The following CEP63 variants were observed in gnomAD, a reference collection of about 807,000 sequenced individuals.
CEP63 encodes the protein centrosomal protein 63.
CEP63 carries 84 observed loss-of-function variants against 89.1 expected under a neutral mutation model. That is an observed-to-expected ratio of 0.94 (90% CI 0.79 to 1.13). CEP63 has a LOEUF of 1.13. Ranked by LOEUF, CEP63 falls within the 50% of genes most tolerant of loss-of-function variation. The pLI is 0.00. For synonymous variants in CEP63, 267 were observed against 272.5 expected (o/e 0.98, Z 0.20); for missense variants, 838 against 813.3 (o/e 1.03, Z -0.37).
chr3:134,709,068 G>T, the CEP63 span, among the ~76,000 whole-genome samples: 1 of 150,674 alleles, frequency 6.6e-6, no homozygotes, highest in African/African-American at 2.4e-5. Context: ...GGGTACAGAT[G>T]AAAGGTACAG....
chr3:134,508,239 A>G (rs963997977), intron 3 of CEP63, among the ~76,000 whole-genome samples: 8 of 152,204 alleles, frequency 5.3e-5, no homozygotes, highest in African/African-American at 4.8e-5. Context: ...GCCATTTGCA[A>G]CTTGGGTCAA....
chr3:134,550,411 G>A, intron 11 of CEP63, 151 bp downstream of exon 11: 1 of 770,796 alleles, frequency 1.3e-6, no homozygotes, highest in Non-Finnish European at 2.2e-6. Flanking sequence ...AGAGTTTAGT[G>A]AGCATGGTGG....
At chr3:134,524,306 A>G (rs923723000) in intron 3 of CEP63, among the ~76,000 whole-genome samples, 7 of 152,202 alleles carry the variant, frequency 4.6e-5, no homozygotes, top group African/African-American at 1.7e-4. Flanking sequence ...GGGGTTTTCT[A>G]GATAGAGGAT....
the CEP63 span, among the ~76,000 whole-genome samples, chr3:134,677,618 C>T: frequency 6.6e-6 from 1 of 152,248 alleles, no homozygotes; most frequent in East Asian, 1.9e-4. Context: ...CTGACTCTGG[C>T]TAGGGCTAGG....
At chr3:134,540,255 A>G (rs2109348370) in intron 6 of CEP63, among the ~76,000 whole-genome samples, 1 of 152,310 alleles carries the variant, frequency 6.6e-6, no homozygotes, top group East Asian at 1.9e-4. Flanking sequence ...ACATGTCAAC[A>G]GATTTGTAGT....
chr3:134,595,729 T>C, the CEP63 span, among the ~76,000 whole-genome samples: 1 of 152,198 alleles, frequency 6.6e-6, no homozygotes, highest in South Asian at 2.1e-4. Context: ...TGGCTTGGCT[T>C]TGCCACTGGA....
the CEP63 span, among the ~76,000 whole-genome samples, chr3:134,623,880 T>C: frequency 2.0e-5 from 3 of 152,220 alleles, 1 homozygote; most frequent in African/African-American, 7.2e-5. Context: ...CCCAGCCCCT[T>C]TGATGGCTCC....
At chr3:134,660,846 T>C in the CEP63 span, among the ~76,000 whole-genome samples, 1 of 152,182 alleles carries the variant, frequency 6.6e-6, no homozygotes, top group Non-Finnish European at 1.5e-5. Context: ...TTTCCTTCTG[T>C]ATGGCCTCTT....
chr3:134,521,243 G>A (rs1336737303), intron 3 of CEP63, among the ~76,000 whole-genome samples: 1 of 152,010 alleles, frequency 6.6e-6, no homozygotes, highest in African/African-American at 2.4e-5. Context: ...CACCAGAAAG[G>A]CTAAAAGTTA....
downstream of CEP63, among the ~76,000 whole-genome samples, chr3:134,567,512 A>AT (rs1553796070): frequency 6.6e-6 from 1 of 152,066 alleles, no homozygotes; most frequent in Non-Finnish European, 1.5e-5. Context: ...CTCCTTAAAA[A>AT]TATCAAGTTT....
the CEP63 span, among the ~76,000 whole-genome samples, chr3:134,661,997 G>A: frequency 2.0e-5 from 3 of 152,312 alleles, no homozygotes; most frequent in African/African-American, 7.2e-5. Context: ...GAAGGTGCCG[G>A]CTGGGCATGG....
intron 2 of CEP63, among the ~76,000 whole-genome samples, chr3:134,497,600 C>T (rs1044515855): frequency 6.6e-6 from 1 of 152,070 alleles, no homozygotes; most frequent in Non-Finnish European, 1.5e-5. Context: ...GAACTCCTGG[C>T]CTCAAGTGAT....
chr3:134,520,185 C>CT (rs1221746999), intron 3 of CEP63, among the ~76,000 whole-genome samples: 6 of 151,916 alleles, frequency 3.9e-5, no homozygotes, highest in Non-Finnish European at 7.4e-5. Flanking sequence ...CACAGAAAAC[C>CT]CAAAAAATCT....
the CEP63 span, chr3:134,603,892 C>T: frequency 2.5e-5 from 41 of 1,613,916 alleles, no homozygotes; most frequent in Non-Finnish European, 3.3e-5. Context: ...GGTGTTGGCA[C>T]AGCATACAAG....
the CEP63 span, among the ~76,000 whole-genome samples, chr3:134,660,733 A>C: frequency 6.6e-6 from 1 of 152,196 alleles, no homozygotes; most frequent in African/African-American, 2.4e-5. Flanking sequence ...GTGAGTGTGC[A>C]AGCTTGTCCT....
chr3:134,682,733 C>T, the CEP63 span, among the ~76,000 whole-genome samples: 1 of 152,216 alleles, frequency 6.6e-6, no homozygotes, highest in Non-Finnish European at 1.5e-5. Context: ...ATGCTCGGCA[C>T]TATTTTGAGT....
chr3:134,568,001 C>T (rs1957857038), downstream of CEP63, among the ~76,000 whole-genome samples: 1 of 152,170 alleles, frequency 6.6e-6, no homozygotes, highest in Non-Finnish European at 1.5e-5. Context: ...CATGACTGGG[C>T]AAAGTAAAGA....
chr3:134,566,349 A>T (rs1249562253), downstream of CEP63, among the ~76,000 whole-genome samples: 1 of 152,146 alleles, frequency 6.6e-6, no homozygotes, highest in East Asian at 1.9e-4. Flanking sequence ...AATAATATTA[A>T]ATGCAAAAAA....
At chr3:134,655,018 T>C in the CEP63 span, among the ~76,000 whole-genome samples, 1 of 152,210 alleles carries the variant, frequency 6.6e-6, no homozygotes, top group Non-Finnish European at 1.5e-5. Flanking sequence ...TTCCAGACAC[T>C]GTCTCCCAGT....
Sources: gnomAD v4.1 joint callset for allele counts (sites outside exome capture counted in the v4.1 genomes callset) on GRCh38, gnomAD v4.1.1 for gene constraint, MANE v1.5 for transcripts, NCBI Gene and HGNC (gene_info 2026-07-23, HGNC 2026-07-21) for gene names.